The following TSC2 variants were observed in gnomAD, a reference collection of about 807,000 sequenced individuals.
TSC2 encodes TSC complex subunit 2.
In TSC2, 29 loss-of-function variants were observed where a neutral mutation model predicts 202.2. The ratio of observed to expected loss-of-function variants is 0.14; its 90% CI spans 0.11 to 0.20. The LOEUF is 0.20. TSC2 is among the 10% of genes least tolerant of loss of function. TSC2 has a pLI of 1.00. For missense variants in TSC2, 2,429 were observed against 2,420.0 expected, an observed-to-expected ratio of 1.00 and a Z score of -0.08; for synonymous variants, 1,349 against 1,044.0, an observed-to-expected ratio of 1.29 and a Z score of -5.63.
intron 16 of TSC2, among the ~76,000 whole-genome samples, chr16:2,067,325 C>G (rs548381441): frequency 9.1e-4 from 138 of 152,078 alleles, no homozygotes; most frequent in African/African-American, 3.3e-3. Context: ...CCACACCTGG[C>G]TAATTTTTTC....
intron 10 of TSC2, among the ~76,000 whole-genome samples, chr16:2,060,070 G>A (rs938626620): frequency 6.6e-6 from 1 of 152,178 alleles, no homozygotes; most frequent in Non-Finnish European, 1.5e-5. Context: ...TGCTGTTGGC[G>A]GCTCTGTTTT....
At chr16:2,050,560 A>G (rs2150998958) in intron 3 of TSC2, 74 bp downstream of exon 3, 2 of 1,248,536 alleles carry the variant, frequency 1.6e-6, no homozygotes, top group Non-Finnish European at 2.3e-6. Context: ...TTTTTTAGGA[A>G]CATGGTTGAC....
intron 30 of TSC2, 129 bp downstream of exon 30, chr16:2,080,506 C>A: frequency 9.1e-7 from 1 of 1,103,812 alleles, no homozygotes; most frequent in Non-Finnish European, 1.3e-6. Flanking sequence ...TTTTTTGAGA[C>A]AGAGTCTTGC....
In TSC2 at chr16:2,086,216, G is replaced by T. The variant is rs780703883; in HGVS notation, c.4686G>T (p.Leu1562=). 6.2e-7 allele frequency: 1 copy of T among 1,612,666 alleles called. No individual in the cohort carries two copies. The highest frequency in any genetic ancestry group is 1.1e-5 in the South Asian group (1 of 91,086). The change falls in exon 37 of 42, where the codon CTG becomes CTT. Residue 1562 remains leucine, a synonymous_variant. Coordinates refer to ENST00000219476, the MANE Select transcript of TSC2 (RefSeq NM_000548.5). The part of the protein sequence containing the change: ...EGQSNSELAI[L]SNEHGSYRYT... ...AGAGCAACAGCGAGCTCGCCATCCTGTCCAATGAGCATGGCTCCTACAGGT... is the reference window on the plus strand; with the variant it reads ...AGAGCAACAGCGAGCTCGCCATCCTTTCCAATGAGCATGGCTCCTACAGGT...
chr16:2,084,951 T>C lies in TSC2; in HGVS notation c.4494T>C (p.Ser1498=). 1.9e-6 allele frequency: 3 copies of C among 1,613,268 alleles called. No individual in the cohort carries two copies. The highest frequency in any genetic ancestry group is 2.5e-6 in the Non-Finnish European group (3 of 1,179,948). ...TGCCCACCATCCCCTCCCTGTGCAG[T>C]TTCGTGTTCCTGCAGCTCTACCATT... ...NAEKVPGINP[S]FVFLQLYHSP... is the part of the protein sequence containing the mutation. The change falls in exon 35 of 42, where the codon AGT becomes AGC. Residue 1498 remains serine (S), a splice_region_variant and synonymous_variant. Transcript: ENST00000219476.
chr16:2,080,343 G>C lies in TSC2; in HGVS notation c.3576G>C (p.Gln1192His), dbSNP rs2151461822. The part of the protein sequence containing the change: ...NLAAYVPLLT[Q>H]GWAEILVRRP... Reference sequence around the variant, plus strand: ...CGGCCTATGTGCCCCTGCTGACCCAGGGCTGGGCGGAGATCCTGGTCCGGA... The same window carrying C: ...CGGCCTATGTGCCCCTGCTGACCCACGGCTGGGCGGAGATCCTGGTCCGGA... The change falls in exon 30 of 42, where the codon CAG (glutamine) becomes CAC (histidine). Residue 1192 changes from glutamine to histidine, a missense_variant. Physicochemically the swap from Gln to His is conservative, Grantham distance 24. Transcript: ENST00000219476. The C allele has an allele frequency of 6.2e-7, 1 of 1,612,500 alleles. No individual in the cohort carries two copies. Among genetic ancestry groups the C allele is most frequent in the Non-Finnish European group, 8.5e-7 (1 of 1,179,994 alleles).
rs60503633 is a variant in TSC2 at position 2,069,701 on chromosome 16, T to C, written c.1717-755T>C. Among the ~76,000 whole-genome samples the C allele has an allele frequency of 5.1e-3, 779 of 151,824 alleles. 11 individuals carry two copies. The highest frequency in any genetic ancestry group is 0.013 in the African/African-American group (545 of 41,544). Reference sequence around the variant, plus strand: ...TTCACCATGTTAGCCAGGATGGTCTTGATCTCCTGACCTCATGATCCACCC... The same window carrying C: ...TTCACCATGTTAGCCAGGATGGTCTCGATCTCCTGACCTCATGATCCACCC... On this transcript the variant is annotated intron_variant, in intron 16 of 41. Transcript: ENST00000219476.
At chr16:2,081,868 T>G in intron 31 of TSC2, 70 bp downstream of exon 31, 3 of 1,571,418 alleles carry the variant, frequency 1.9e-6, no homozygotes, top group Non-Finnish European at 2.6e-6. Flanking sequence ...GACGGCAATG[T>G]GGCTCCTCTC....
rs1555513513 is a variant in TSC2 at position 2,083,758 on chromosome 16, G to A, written c.3947G>A (p.Gly1316Glu). The change falls in exon 33 of 42, where the codon GGG becomes GAG. Residue 1316 changes from glycine to glutamate, a missense_variant. By Grantham distance (98) the Gly-to-Glu change is moderately conservative. Transcript: ENST00000219476. ...GEVPVLVEPP[G>E]LEDVEAALGM... ...GTTCCTGTGCTGGTGGAGCCCCCAG[G>A]GTTGGAGGACGTTGAGGCAGCGCTA... The A allele has an allele frequency of 6.2e-7, 1 of 1,610,106 alleles. No individual in the cohort carries two copies. Among genetic ancestry groups the A allele is most frequent in the Non-Finnish European group, 8.5e-7 (1 of 1,179,084 alleles).
intron 7 of TSC2, 142 bp downstream of exon 7, chr16:2,056,386 C>G: frequency 7.9e-7 from 1 of 1,264,480 alleles, no homozygotes; most frequent in East Asian, 2.5e-5. Flanking sequence ...TCAGGAGTCC[C>G]CCATGTAAGT....
In TSC2 at chr16:2,081,717, C is replaced by T. The variant is rs777489742; in HGVS notation, c.3733C>T (p.Arg1245Trp). 1.6e-5 allele frequency: 25 copies of T among 1,612,848 alleles called. No homozygotes were observed. Among genetic ancestry groups the T allele is most frequent in the East Asian group, 1.1e-4 (5 of 44,906 alleles). The change falls in exon 31 of 42, where the codon CGG becomes TGG. Residue 1245 changes from arginine (R) to tryptophan (W), a missense_variant. Coordinates refer to ENST00000219476, the MANE Select transcript of TSC2 (RefSeq NM_000548.5). ...GGCGGCTGAGCGCTTCAAGGAGCACCGGGACACAGCCCTGTACAAGTCACT... is the reference window on the plus strand; with the variant it reads ...GGCGGCTGAGCGCTTCAAGGAGCACTGGGACACAGCCCTGTACAAGTCACT... Reference protein sequence around the residue: ...LMAAERFKEHRDTALYKSLSV... With the variant: ...LMAAERFKEHWDTALYKSLSV...
chr16:2,055,225 C>T (rs976829524), intron 5 of TSC2, 177 bp from the exon 6 acceptor site: 4 of 688,338 alleles, frequency 5.8e-6, no homozygotes, highest in African/African-American at 3.5e-5. Context: ...CCGGCCTGCC[C>T]TGGGCTCCCC....
At position 2,055,465 on chromosome 16, in the gene TSC2, A is replaced by T. The variant is rs1016698636; in HGVS notation, c.545A>T (p.Asn182Ile). 1.2e-6 allele frequency: 2 copies of T among 1,614,208 alleles called. No individual in the cohort carries two copies. Among genetic ancestry groups the T allele is most frequent in the Non-Finnish European group, 1.7e-6 (2 of 1,180,036 alleles). ...LSSEFLLVLVNLVKFNSCYLD... is the reference protein window; with the variant it reads ...LSSEFLLVLVILVKFNSCYLD... ...TCGGAATTCCTTCTGGTGCTGGTGA[A>T]CTTGGTCAAATTCAATAGCTGTTAC... Residue 182 changes from asparagine (N) to isoleucine (I), a missense_variant, in exon 6 of 42, where the codon AAC becomes ATC. Transcript: ENST00000219476.
chr16:2,079,876 G>C lies in TSC2; in HGVS notation c.3397+207G>C, dbSNP rs1360412200. ...TGGCCCGCTTGCTGCAGAGGGGCCT[G>C]CTCTGGGTGCTGGTGTTTCCTGCGG... On this transcript the variant is annotated intron_variant, in intron 29 of 41. Transcript: ENST00000219476. This position sits in a 1 kb window ranked among gnomAD's most constrained non-coding sequence, Gnocchi z 4.6. Among the ~76,000 whole-genome samples, 2 of 152,210 alleles carry C rather than the reference G, an allele frequency of 1.3e-5. No individual in the cohort carries two copies. The highest frequency in any genetic ancestry group is 4.8e-5 in the African/African-American group (2 of 41,462).
In TSC2 at chr16:2,089,069, C is replaced by T; in HGVS notation, c.*459C>T. On this transcript the variant is annotated 3_prime_UTR_variant, in exon 42 of 42. Transcript: ENST00000219476. The stretch of plus-strand genomic sequence containing the variant: ...GGGGCAAGGGAGGATGACAAGGCCT[C>T]TGGGGTGATGAGAGTGCCTGGCAGA... The T allele has an allele frequency of 5.3e-6, 1 of 187,252 alleles. No homozygotes were observed. Among genetic ancestry groups the T allele is most frequent in the Non-Finnish European group, 1.1e-5 (1 of 88,774 alleles). The allele number at this position is 187,252 out of a possible 1,614,324, so 11.6% of individuals were successfully genotyped here.
At chr16:2,086,130 C>T (rs1047166371) in intron 36 of TSC2, 63 bp from the exon 37 acceptor site, 2 of 1,600,876 alleles carry the variant, frequency 1.2e-6, no homozygotes, top group Non-Finnish European at 1.7e-6. Context: ...GGCACCCCCA[C>T]CCTCTGCGGG....
At position 2,086,525 on chromosome 16, in the gene TSC2, G is replaced by C. The variant is rs564546141; in HGVS notation, c.4849+146G>C. The C allele has an allele frequency of 1.6e-4, 224 of 1,402,816 alleles. No homozygotes were observed. In the African/African-American group the frequency reaches 2.9e-3, roughly 18 times the overall value. 86.9% of individuals were successfully genotyped at this position (1,402,816 alleles called of 1,614,324 possible). A position where few individuals can be genotyped will look rare whatever the true frequency, so the allele number is the denominator to read the frequency against. ...CGCCTCAGGTTCCGAGCCTAACAGCGTGGGCATGGAGGCAGTGATGGGGCT... is the reference window on the plus strand; with the variant it reads ...CGCCTCAGGTTCCGAGCCTAACAGCCTGGGCATGGAGGCAGTGATGGGGCT... On this transcript the variant is annotated intron_variant, in intron 37 of 41. Coordinates refer to ENST00000219476, the MANE Select transcript of TSC2 (RefSeq NM_000548.5).
In TSC2 at chr16:2,083,779, C is replaced by T. The variant is rs397515062; in HGVS notation, c.3968C>T (p.Ala1323Val). The T allele has an allele frequency of 4.2e-5, 68 of 1,611,176 alleles. No individual in the cohort carries two copies. The highest frequency in any genetic ancestry group is 1.8e-4 in the East Asian group (8 of 44,840). The change falls in exon 33 of 42, where the codon GCG becomes GTG. Residue 1323 changes from alanine (A) to valine (V), a missense_variant. By Grantham distance (64) the Ala-to-Val change is moderately conservative. Coordinates refer to ENST00000219476, the MANE Select transcript of TSC2 (RefSeq NM_000548.5). ...CCAGGGTTGGAGGACGTTGAGGCAG[C>T]GCTAGGCATGGACAGGCGCACGGAT... is the stretch of plus-strand genomic sequence containing the variant. ...EPPGLEDVEA[A>V]LGMDRRTDAY...
chr16:2,076,657 G>A (rs940833799), intron 25 of TSC2, 72 bp downstream of exon 25: 54 of 1,515,544 alleles, frequency 3.6e-5, no homozygotes, highest in Non-Finnish European at 4.3e-5. Flanking sequence ...CCTGCCTGAC[G>A]GTGCCTCCAA....
Sources: allele counts gnomAD v4.1 joint callset (sites outside exome capture counted in the v4.1 genomes callset), GRCh38; gene constraint gnomAD v4.1.1; non-coding constraint Gnocchi (gnomAD v3.1); transcripts MANE v1.5; gene names NCBI Gene and HGNC (gene_info 2026-07-23, HGNC 2026-07-21).